WHRN: variants seen among roughly 807,000 people sequenced by gnomAD.
The protein encoded by WHRN is CASK-interacting protein CIP98.
A neutral mutation model predicts 68.3 loss-of-function variants in WHRN; 41 were observed. The ratio of observed to expected loss-of-function variants is 0.60; its 90% CI spans 0.47 to 0.78. WHRN has a LOEUF of 0.78. WHRN is among the 30% of genes least tolerant of loss of function. The probability of loss-of-function intolerance (pLI) is 0.00; values close to 1 mark genes in which losing one functional copy is unlikely to be tolerated. For missense variants in WHRN, 1,243 were observed against 1,244.7 expected, an observed-to-expected ratio of 1.00 and a Z score of 0.02; for synonymous variants, 560 against 561.3, an observed-to-expected ratio of 1.00 and a Z score of 0.03.
At chr9:114,412,695 C>A (rs762052233) in intron 7 of WHRN, among the ~76,000 whole-genome samples, 2 of 152,236 alleles carry the variant, frequency 1.3e-5, no homozygotes, top group African/African-American at 2.4e-5. Flanking sequence ...AAAAGAACCC[C>A]TTATTTCCTG....
rs2133493284 is a variant in WHRN, at chr9:114,505,317, A to C, written c.-516T>G. On this transcript the variant is annotated 5_prime_UTR_variant, in exon 1 of 12. Coordinates refer to ENST00000362057, the MANE Select transcript of WHRN (RefSeq NM_015404.4). ...GCTCTAGTCCCAGAGCACTCCGGGG[A>C]GTGGCAGCCGGTGAAGCGGCGCGGG... is the stretch of plus-strand genomic sequence containing the variant. 1 of 152,682 alleles carries C rather than the reference A, an allele frequency of 6.5e-6. No individual in the cohort carries two copies. The highest frequency in any genetic ancestry group is 6.5e-5 in the Admixed American group (1 of 15,302). The allele number at this position is 152,682 out of a possible 1,614,324, so 9.5% of individuals were successfully genotyped here.
chr9:114,481,523 G>C (rs1287035542), intron 1 of WHRN, among the ~76,000 whole-genome samples: 1 of 152,148 alleles, frequency 6.6e-6, no homozygotes, highest in Non-Finnish European at 1.5e-5. Flanking sequence ...CAGGGCACAG[G>C]AGACGTCAGC....
intron 1 of WHRN, among the ~76,000 whole-genome samples, chr9:114,496,088 T>C (rs1434926163): frequency 6.6e-6 from 1 of 152,134 alleles, no homozygotes. Flanking sequence ...AAATCACCAA[T>C]TTCACCTGCA....
At chr9:114,475,569 G>T (rs1841581438) in intron 2 of WHRN, among the ~76,000 whole-genome samples, 2 of 152,196 alleles carry the variant, frequency 1.3e-5, no homozygotes, top group Admixed American at 1.3e-4. Flanking sequence ...GGCTACATGT[G>T]TGATTTTTAT....
In WHRN at chr9:114,500,182, A is replaced by G. The variant is rs551876686; in HGVS notation, c.618+4002T>C. ...AATCTACTCAATAATGGGCTTATTA[A>G]TAAGTGAGCTTTTCTACATGTCATT... On this transcript the variant is annotated intron_variant, in intron 1 of 11. Coordinates refer to ENST00000362057, the MANE Select transcript of WHRN (RefSeq NM_015404.4). Among the ~76,000 whole-genome samples the G allele has an allele frequency of 3.3e-5, 5 of 152,346 alleles. No homozygotes were observed. In the South Asian group the frequency reaches 6.2e-4, roughly 19 times the overall value.
chr9:114,415,369 G>GCTCCTGACCCTCGCCCCTCTACCC (rs1835743370), intron 7 of WHRN, among the ~76,000 whole-genome samples: 1 of 150,944 alleles, frequency 6.6e-6, no homozygotes, highest in Non-Finnish European at 1.5e-5. Context: ...AACGCCTCCC[G>GCTCCTGACCCTCGCCCCTCTACCC]CTCCTGACCC....
intron 1 of WHRN, among the ~76,000 whole-genome samples, chr9:114,501,634 C>T (rs752878516): frequency 1.3e-4 from 19 of 151,972 alleles, no homozygotes; most frequent in Non-Finnish European, 2.2e-4. Context: ...CCCCCTCACC[C>T]CACCTTCCAT....
chr9:114,489,489 C>T (rs1418701867), intron 1 of WHRN, among the ~76,000 whole-genome samples: 3 of 125,164 alleles, frequency 2.4e-5, no homozygotes, highest in South Asian at 2.7e-4. Context: ...CGCACACACA[C>T]GTACACACAC....
At position 114,406,487 on chromosome 9, in the gene WHRN, A is replaced by G; in HGVS notation, c.2104T>C (p.Cys702Arg). 6.2e-7 allele frequency: 1 copy of G among 1,613,986 alleles called. No homozygotes were observed. Among genetic ancestry groups the G allele is most frequent in the East Asian group, 2.2e-5 (1 of 44,876 alleles). ...CCAGAGGGTGATGGGGGCAGAAGGC[A>G]GCCCCCAGCCACTGTGGCCTCTGCA... Reference protein sequence around the residue: ...PSAEATVAGGCLLPPSPSGHP... With the variant: ...PSAEATVAGGRLLPPSPSGHP... Residue 702 changes from cysteine (C) to arginine (R), a missense_variant, in exon 9 of 12, where the codon TGC (cysteine) becomes CGC (arginine). By Grantham distance (180) the Cys-to-Arg change is radical (BLOSUM62 -3). Transcript: ENST00000362057.
intron 3 of WHRN, among the ~76,000 whole-genome samples, chr9:114,436,755 G>A (rs1837891199): frequency 6.6e-6 from 1 of 152,038 alleles, no homozygotes; most frequent in Non-Finnish European, 1.5e-5. Context: ...CTTGAACCTG[G>A]GAGGCAGAGG....
At chr9:114,475,358 T>C (rs1156537725) in intron 2 of WHRN, among the ~76,000 whole-genome samples, 1 of 152,152 alleles carries the variant, frequency 6.6e-6, no homozygotes, top group African/African-American at 2.4e-5. Context: ...CCCTGCCCCG[T>C]TCACTTCTGA....
At chr9:114,424,634 G>A (rs1159082844) in intron 5 of WHRN, 88 bp from the exon 6 acceptor site, 15 of 1,387,416 alleles carry the variant, frequency 1.1e-5, no homozygotes, top group African/African-American at 4.3e-5. Flanking sequence ...CTTCCATCCT[G>A]TCTAAGTGTG....
chr9:114,499,707 C>T (rs10817629), intron 1 of WHRN, among the ~76,000 whole-genome samples: 47,479 of 152,192 alleles, frequency 0.31, 7,994 homozygotes, highest in Non-Finnish European at 0.37. Flanking sequence ...CTGACAGGTG[C>T]AGGCAGGCTG....
At chr9:114,426,841 TA>T (rs1471907094) in intron 3 of WHRN, among the ~76,000 whole-genome samples, 1 of 152,262 alleles carries the variant, frequency 6.6e-6, no homozygotes, top group Admixed American at 6.5e-5. Flanking sequence ...TGCATTCTTA[TA>T]TTACCTTAAA....
At chr9:114,455,713 CAAAAAAA>C (rs34546424) in intron 3 of WHRN, among the ~76,000 whole-genome samples, 1 of 123,342 alleles carries the variant, frequency 8.1e-6, no homozygotes, top group Admixed American at 8.1e-5. Flanking sequence ...GACCCTGTCT[CAAAAAAA>C]AAAAAAAAAA....
At chr9:114,444,108 T>C (rs933898108) in intron 3 of WHRN, among the ~76,000 whole-genome samples, 1 of 152,188 alleles carries the variant, frequency 6.6e-6, no homozygotes, top group Non-Finnish European at 1.5e-5. Flanking sequence ...CAAGACGATA[T>C]GTGAGTGGGG....
chr9:114,426,695 C>G (rs1836897319), intron 3 of WHRN, among the ~76,000 whole-genome samples: 1 of 152,202 alleles, frequency 6.6e-6, no homozygotes, highest in Non-Finnish European at 1.5e-5. Flanking sequence ...TTCCAAGGGT[C>G]CCCTTATCTA....
At chr9:114,447,161 C>G (rs1412659544) in intron 3 of WHRN, among the ~76,000 whole-genome samples, 1 of 152,142 alleles carries the variant, frequency 6.6e-6, no homozygotes, top group African/African-American at 2.4e-5. Context: ...ACCTGCTAAC[C>G]AAGAGAAGTC....
chr9:114,501,079 C>T (rs1843880188), intron 1 of WHRN, among the ~76,000 whole-genome samples: 1 of 152,190 alleles, frequency 6.6e-6, no homozygotes, highest in Admixed American at 6.5e-5. Flanking sequence ...CTGGCCCATC[C>T]ACCCTGGAAC....
Sources: gnomAD v4.1 joint callset for allele counts (sites outside exome capture counted in the v4.1 genomes callset) on GRCh38, gnomAD v4.1.1 for gene constraint, MANE v1.5 for transcripts, NCBI Gene and HGNC (gene_info 2026-07-23, HGNC 2026-07-21) for gene names.